Variants in CLIC4 observed in about 807,000 individuals in gnomAD.
CLIC4 encodes the protein chloride intracellular channel protein 4.
A neutral mutation model predicts 24.6 loss-of-function variants in CLIC4; 13 were observed. That is an observed-to-expected ratio of 0.53 (90% confidence interval 0.34 to 0.84). The LOEUF (loss-of-function observed/expected upper bound fraction) is 0.84, where lower values mean the gene tolerates loss of function less well. Ranked by LOEUF, CLIC4 falls within the 40% of genes least tolerant of loss-of-function variation. The probability of loss-of-function intolerance (pLI) is 0.01; values close to 1 mark genes in which losing one functional copy is unlikely to be tolerated. For synonymous variants in CLIC4, 104 were observed against 111.3 expected (o/e 0.93, Z 0.41); for missense variants, 227 against 301.7 (o/e 0.75, Z 1.83).
chr1:24,794,367 T>TTTTTTTTTTTA (rs1639373452), intron 1 of CLIC4, among the ~76,000 whole-genome samples: 1 of 151,126 alleles, frequency 6.6e-6, no homozygotes. Flanking sequence ...TTTTTTTTTT[T>TTTTTTTTTTTA]ACTTTTTGAA....
intron 1 of CLIC4, among the ~76,000 whole-genome samples, chr1:24,764,801 G>C (rs935373041): frequency 6.6e-5 from 10 of 152,072 alleles, no homozygotes; most frequent in Non-Finnish European, 1.5e-4. Flanking sequence ...CCCTAAATTT[G>C]TTTTTATTTA....
intron 2 of CLIC4, chr1:24,798,064 A>G (rs1172314401): frequency 4.8e-6 from 2 of 413,352 alleles, no homozygotes; most frequent in African/African-American, 2.1e-5. Context: ...GAACTTTTGT[A>G]TGTTTACCTT....
At chr1:24,779,765 G>T (rs1453911401) in intron 1 of CLIC4, among the ~76,000 whole-genome samples, 1 of 151,974 alleles carries the variant, frequency 6.6e-6, no homozygotes, top group African/African-American at 2.4e-5. Context: ...AACCATCCAC[G>T]CGTCTTTAGG....
chr1:24,801,073 TAAAAAA>T (rs61672978), intron 2 of CLIC4, among the ~76,000 whole-genome samples: 5 of 148,436 alleles, frequency 3.4e-5, no homozygotes, highest in Non-Finnish European at 7.5e-5. Context: ...AAAAATAAAT[TAAAAAA>T]AAAAAAAAGA....
intron 1 of CLIC4, among the ~76,000 whole-genome samples, chr1:24,760,226 C>T (rs1470106711): frequency 4.6e-5 from 7 of 151,568 alleles, no homozygotes; most frequent in East Asian, 3.9e-4. Context: ...ATTAGCCAGG[C>T]GTGGTGGCGG....
At chr1:24,756,293 C>T (rs1638849144) in intron 1 of CLIC4, among the ~76,000 whole-genome samples, 1 of 152,178 alleles carries the variant, frequency 6.6e-6, no homozygotes, top group East Asian at 1.9e-4. Flanking sequence ...GCCACCGCGC[C>T]CTGCTAACAT....
chr1:24,818,927 A>G (rs1639698759), intron 3 of CLIC4, among the ~76,000 whole-genome samples: 1 of 151,958 alleles, frequency 6.6e-6, no homozygotes, highest in Non-Finnish European at 1.5e-5. Context: ...TACACATACT[A>G]TACAGAAATA....
chr1:24,786,066 A>G (rs1172567867), intron 1 of CLIC4, among the ~76,000 whole-genome samples: 1 of 152,126 alleles, frequency 6.6e-6, no homozygotes, highest in Non-Finnish European at 1.5e-5. Context: ...TCATTCTTTA[A>G]CAACACATTA....
At chr1:24,835,534 G>A (rs748303767) in intron 4 of CLIC4, among the ~76,000 whole-genome samples, 42 of 152,344 alleles carry the variant, frequency 2.8e-4, no homozygotes, top group East Asian at 2.5e-3. Context: ...CTGCACTCCA[G>A]CCTGGGCGAC....
chr1:24,821,175 AC>A (rs753808133), intron 3 of CLIC4, among the ~76,000 whole-genome samples: 1 of 150,550 alleles, frequency 6.6e-6, no homozygotes, highest in Non-Finnish European at 1.5e-5. Flanking sequence ...ATACAGCAAG[AC>A]CCTGTCTCAA....
intron 1 of CLIC4, among the ~76,000 whole-genome samples, chr1:24,793,740 A>T (rs1418053802): frequency 1.3e-5 from 2 of 151,822 alleles, no homozygotes. Flanking sequence ...GCTCTGTTGT[A>T]ACTGTTCCAT....
intron 1 of CLIC4, among the ~76,000 whole-genome samples, chr1:24,750,436 CTT>C (rs368673049): frequency 1.9e-4 from 26 of 137,444 alleles, no homozygotes; most frequent in Admixed American, 2.2e-4. Flanking sequence ...TTCTTTCTTT[CTT>C]TTTTTTTTTT....
At position 24,745,455 on chromosome 1, in the gene CLIC4, G is replaced by A; in HGVS notation, c.-99G>A. 9.0e-7 allele frequency: 1 copy of A among 1,114,554 alleles called. No homozygotes were observed. 69.0% of individuals were successfully genotyped at this position (1,114,554 alleles called of 1,614,324 possible). ...CCAGCTCGACGCCGGACAGTCCAGCGAGCAGCACGGCGGGAACCGGCAGCC... is the reference window on the plus strand; with the variant it reads ...CCAGCTCGACGCCGGACAGTCCAGCAAGCAGCACGGCGGGAACCGGCAGCC... On this transcript the variant is annotated 5_prime_UTR_variant, in exon 1 of 6. Transcript: ENST00000374379.
chr1:24,815,497 C>T (rs1361076404), intron 3 of CLIC4, among the ~76,000 whole-genome samples: 4 of 151,796 alleles, frequency 2.6e-5, no homozygotes, highest in East Asian at 1.9e-4. Flanking sequence ...AGCAAAACTC[C>T]GTCTCAAAAA....
chr1:24,800,365 G>A (rs1399418016), intron 2 of CLIC4, among the ~76,000 whole-genome samples: 2 of 140,184 alleles, frequency 1.4e-5, no homozygotes, highest in African/African-American at 2.7e-5. Flanking sequence ...CCCCCCACCC[G>A]GCCAGCCGCC....
chr1:24,787,532 G>T (rs2124120065), intron 1 of CLIC4, among the ~76,000 whole-genome samples: 1 of 151,878 alleles, frequency 6.6e-6, no homozygotes, highest in African/African-American at 2.4e-5. Context: ...CATTACCAGG[G>T]TCTAATTTTT....
intron 2 of CLIC4, among the ~76,000 whole-genome samples, chr1:24,804,252 T>C (rs550615413): frequency 5.3e-5 from 8 of 152,100 alleles, no homozygotes; most frequent in African/African-American, 1.9e-4. Context: ...TTCCCCTTTG[T>C]AAAGTTGACT....
At position 24,840,001 on chromosome 1, in the gene CLIC4, T is replaced by C; in HGVS notation, c.557T>C (p.Leu186Ser). 1.2e-6 allele frequency: 2 copies of C among 1,614,160 alleles called. No homozygotes were observed. The highest frequency in any genetic ancestry group is 1.7e-6 in the Non-Finnish European group (2 of 1,180,026). Residue 186 changes from leucine (L) to serine (S), a missense_variant, in exon 5 of 6, where the codon TTA (leucine) becomes TCA (serine). Coordinates refer to ENST00000374379, the MANE Select transcript of CLIC4 (RefSeq NM_013943.3). ...TTTCTGGATGGCAATGAAATGACAT[T>C]AGCTGATTGCAACCTGCTGCCCAAA... Reference protein sequence around the residue: ...RKFLDGNEMTLADCNLLPKLH... With the variant: ...RKFLDGNEMTSADCNLLPKLH...
intron 3 of CLIC4, among the ~76,000 whole-genome samples, chr1:24,820,597 A>G (rs1436860825): frequency 6.6e-6 from 1 of 152,152 alleles, no homozygotes. Flanking sequence ...GCTCAGAGGT[A>G]GGTTCCATAT....
Sources: gnomAD v4.1 joint callset for allele counts (sites outside exome capture counted in the v4.1 genomes callset) on GRCh38, gnomAD v4.1.1 for gene constraint, MANE v1.5 for transcripts, NCBI Gene and HGNC (gene_info 2026-07-23, HGNC 2026-07-21) for gene names.